The following IL2RB variants were observed in gnomAD, a reference collection of about 807,000 sequenced individuals.
The protein encoded by IL2RB is interleukin-2 receptor subunit beta.
A neutral mutation model predicts 44.2 loss-of-function variants in IL2RB; 17 were observed. The observed-to-expected ratio is 0.38, with a 90% CI of 0.26 to 0.58. The LOEUF is 0.58. Ranked by LOEUF, IL2RB falls within the 20% of genes least tolerant of loss-of-function variation. IL2RB has a pLI of 0.63. For missense variants in IL2RB, 624 were observed against 685.5 expected (o/e 0.91, Z 1.00); for synonymous variants, 286 against 297.9 (o/e 0.96, Z 0.41).
At chr22:37,173,028 A>G (rs1196288801) in intron 1 of IL2RB, among the ~76,000 whole-genome samples, 3 of 152,176 alleles carry the variant, frequency 2.0e-5, no homozygotes, top group Non-Finnish European at 4.4e-5. Context: ...CCCACTGGAC[A>G]AGATCGAATA....
At chr22:37,160,030 A>C (rs1403397943) in intron 1 of IL2RB, among the ~76,000 whole-genome samples, 1 of 152,164 alleles carries the variant, frequency 6.6e-6, no homozygotes, top group Non-Finnish European at 1.5e-5. Flanking sequence ...CATTGTAAAG[A>C]CCTCCTTGAG....
At chr22:37,161,471 T>G (rs907060609) in intron 1 of IL2RB, among the ~76,000 whole-genome samples, 1 of 152,182 alleles carries the variant, frequency 6.6e-6, no homozygotes, top group Admixed American at 6.5e-5. Context: ...CCCTTGCAGC[T>G]GGGACATAGG....
chr22:37,174,423 C>T (rs979736302), intron 1 of IL2RB, among the ~76,000 whole-genome samples: 40 of 152,110 alleles, frequency 2.6e-4, no homozygotes, highest in Admixed American at 2.2e-3. Flanking sequence ...GCTGGGGAAC[C>T]GTATATGTGC....
At chr22:37,129,762 G>C (rs905967861) in intron 9 of IL2RB, among the ~76,000 whole-genome samples, 4 of 152,246 alleles carry the variant, frequency 2.6e-5, no homozygotes, top group Non-Finnish European at 5.9e-5. Context: ...ACAGCAGAGT[G>C]GGGGACAGCA....
At chr22:37,160,679 C>CAAAAAAAAAAAAAAAAAAAAAAAAAAAAA (rs10605445) in intron 1 of IL2RB, among the ~76,000 whole-genome samples, 3 of 136,006 alleles carry the variant, frequency 2.2e-5, no homozygotes, top group African/African-American at 8.7e-5. Context: ...CTGTCTATGC[C>CAAAAAAAAAAAAAAAAAAAAAAAAAAAAA]AAAAAAAAAA....
chr22:37,133,818 G>A (rs1308450752), intron 8 of IL2RB, among the ~76,000 whole-genome samples: 1 of 152,158 alleles, frequency 6.6e-6, no homozygotes, highest in Non-Finnish European at 1.5e-5. Context: ...TCAGCCTCCT[G>A]CCCCACCCAC....
chr22:37,128,804 G>A lies in IL2RB; in HGVS notation c.948C>T (p.Gly316=), dbSNP rs146858997. The A allele has an allele frequency of 2.1e-4, 342 of 1,612,486 alleles. 1 individual carries two copies. Among genetic ancestry groups the A allele is most frequent in the Non-Finnish European group, 2.2e-4 (256 of 1,178,736 alleles). ...SPFPSSSFSP[G]GLAPEISPLE... ...GTGGCGAGATCTCAGGTGCCAGGCC[G>A]CCAGGGCTGAAGGACGATGAGGGGA... The change falls in exon 10 of 10, where the codon GGC becomes GGT. Residue 316 remains glycine, a synonymous_variant. Transcript: ENST00000216223. This position sits in a 1 kb window ranked among gnomAD's most constrained non-coding sequence, Gnocchi z 4.5.
chr22:37,169,289 T>TGTTTACAGAGGGGTTCTTGTTTACAC (rs1433630782), intron 1 of IL2RB, among the ~76,000 whole-genome samples: 1 of 148,776 alleles, frequency 6.7e-6, no homozygotes, highest in Non-Finnish European at 1.5e-5. Flanking sequence ...AGATGGATTC[T>TGTTTACAGAGGGGTTCTTGTTTACAC]GTTTACAGAG....
Position 37,144,197 on chromosome 22 carries a change from A to T in IL2RB, c.-25T>A. The stretch of plus-strand genomic sequence containing the variant: ...TTACATCCACAGGGTGGAGCCGAGG[A>T]AGGAAGCCCTGGTGGGAGAGGAGAA... On this transcript the variant is annotated 5_prime_UTR_variant, in exon 2 of 10. Coordinates refer to ENST00000216223, the MANE Select transcript of IL2RB (RefSeq NM_000878.5). 1 of 1,547,442 alleles carries T rather than the reference A, an allele frequency of 6.5e-7. No individual in the cohort carries two copies. The highest frequency in any genetic ancestry group is 8.7e-7 in the Non-Finnish European group (1 of 1,144,930).
intron 2 of IL2RB, 116 bp from the exon 3 acceptor site, chr22:37,143,751 C>A: frequency 1.3e-6 from 1 of 763,258 alleles, no homozygotes; most frequent in Admixed American, 2.1e-5. Context: ...GTGGGTAACT[C>A]TGGCAAGCGG....
intron 3 of IL2RB, 128 bp from the exon 4 acceptor site, chr22:37,142,640 C>T (rs767346437): frequency 5.8e-6 from 5 of 866,078 alleles, no homozygotes; most frequent in Non-Finnish European, 9.7e-6. Flanking sequence ...GGCCCCTGTG[C>T]CAACCACTGT....
chr22:37,126,393 C>G lies in IL2RB; in HGVS notation c.*1703G>C, dbSNP rs1409795838. ...GCAGTAGGTATTTTTGTATTGGGAA[C>G]CCAAGGTCCTCTGCTTAGTGGCTCA... On this transcript the variant is annotated 3_prime_UTR_variant, in exon 10 of 10. Transcript: ENST00000216223. 1.3e-5 allele frequency: 2 copies of G among 152,194 alleles called. No homozygotes were observed. Among genetic ancestry groups the G allele is most frequent in the African/African-American group, 4.8e-5 (2 of 41,454 alleles). The allele number at this position is 152,194 out of a possible 1,614,324, so 9.4% of individuals were successfully genotyped here.
chr22:37,138,602 ACT>A (rs1366592723), intron 5 of IL2RB, among the ~76,000 whole-genome samples: 4 of 152,106 alleles, frequency 2.6e-5, no homozygotes, highest in Admixed American at 6.5e-5. Flanking sequence ...GGTGGCAGAG[ACT>A]CTGCCTTCAG....
rs373988054 is a variant in IL2RB, at chr22:37,126,397, A to G, written c.*1699T>C. 1.2e-3 allele frequency: 178 copies of G among 152,342 alleles called. 2 individuals carry two copies. Among genetic ancestry groups the G allele is most frequent in the Middle Eastern group, 6.8e-3 (2 of 294 alleles). 9.4% of individuals were successfully genotyped at this position (152,342 alleles called of 1,614,324 possible). Reference sequence around the variant, plus strand: ...TAGGTATTTTTGTATTGGGAACCCAAGGTCCTCTGCTTAGTGGCTCAACGC... The same window carrying G: ...TAGGTATTTTTGTATTGGGAACCCAGGGTCCTCTGCTTAGTGGCTCAACGC... On this transcript the variant is annotated 3_prime_UTR_variant, in exon 10 of 10. Coordinates refer to ENST00000216223, the MANE Select transcript of IL2RB (RefSeq NM_000878.5).
rs761209228 is a variant in IL2RB, at chr22:37,128,226, A to C, written c.1526T>G (p.Val509Gly). The change falls in exon 10 of 10, where the codon GTC becomes GGC. Residue 509 changes from valine to glycine, a missense_variant. Coordinates refer to ENST00000216223, the MANE Select transcript of IL2RB (RefSeq NM_000878.5). This position sits in a 1 kb window ranked among gnomAD's most constrained non-coding sequence, Gnocchi z 4.5. The stretch of plus-strand genomic sequence containing the variant: ...AGGAGGCCTGGACCAGGGGAAACTG[A>C]CTCCCTCCCTGGGGCCAGCGTCAGG... ...EVPDAGPREG[V>G]SFPWSRPPGQ... 4 of 1,505,904 alleles carry C rather than the reference A, an allele frequency of 2.7e-6. No individual in the cohort carries two copies. The Admixed American group carries it at 7.0e-5, about 27-fold the overall frequency. 93.3% of individuals were successfully genotyped at this position (1,505,904 alleles called of 1,614,324 possible).
At chr22:37,168,178 T>A (rs1188993176) in intron 1 of IL2RB, among the ~76,000 whole-genome samples, 2 of 152,152 alleles carry the variant, frequency 1.3e-5, no homozygotes, top group African/African-American at 4.8e-5. Context: ...GAAGAGTAAA[T>A]ACATGTGATT....
intron 1 of IL2RB, among the ~76,000 whole-genome samples, chr22:37,174,366 G>A (rs372412133): frequency 7.0e-4 from 107 of 152,268 alleles, no homozygotes; most frequent in Middle Eastern, 3.4e-3. Context: ...GGTGGCTTCG[G>A]TTGTTTTTCA....
chr22:37,140,221 T>C (rs867494376), intron 4 of IL2RB, among the ~76,000 whole-genome samples: 24 of 151,992 alleles, frequency 1.6e-4, no homozygotes, highest in African/African-American at 5.1e-4. Context: ...CTCCACCCTA[T>C]AGACCCTGTC....
chr22:37,145,216 C>T (rs2146247130), intron 1 of IL2RB, among the ~76,000 whole-genome samples: 1 of 152,330 alleles, frequency 6.6e-6, no homozygotes, highest in African/African-American at 2.4e-5. Flanking sequence ...GCACAGAGGG[C>T]TGCAGTAGCC....
Sources: allele counts gnomAD v4.1 joint callset (sites outside exome capture counted in the v4.1 genomes callset), GRCh38; gene constraint gnomAD v4.1.1; non-coding constraint Gnocchi (gnomAD v3.1); transcripts MANE v1.5; gene names NCBI Gene and HGNC (gene_info 2026-07-23, HGNC 2026-07-21).